Variants in EML6 observed in about 807,000 individuals in gnomAD.
EML6 encodes echinoderm microtubule-associated protein-like 6.
Under a neutral mutation model 240.1 loss-of-function variants are expected in EML6, and 154 were observed. The ratio of observed to expected loss-of-function variants is 0.64; its 90% confidence interval spans 0.56 to 0.73. The LOEUF (loss-of-function observed/expected upper bound fraction) is 0.73, where lower values mean the gene tolerates loss of function less well. Among genes scored for constraint, EML6 ranks in the 30% least tolerant of loss-of-function variants. The pLI is 0.00. For missense variants in EML6, 2,964 were observed against 2,474.6 expected (o/e 1.20, Z -4.20); for synonymous variants, 1,148 against 899.0 (o/e 1.28, Z -4.95).
intron 26 of EML6, among the ~76,000 whole-genome samples, chr2:54,921,917 AAATT>A (rs1305511705): frequency 6.6e-6 from 1 of 152,208 alleles, no homozygotes; most frequent in Non-Finnish European, 1.5e-5. Context: ...CCATTTAAAA[AAATT>A]AACCCAAAGT....
intron 2 of EML6, among the ~76,000 whole-genome samples, chr2:54,790,724 C>CTTTTTT (rs368684488): frequency 1.6e-5 from 2 of 123,302 alleles, no homozygotes; most frequent in Non-Finnish European, 3.3e-5. Context: ...CTTAATTTTC[C>CTTTTTT]TTTTTTTTTT....
chr2:54,942,456 C>G (rs751007210), intron 28 of EML6, among the ~76,000 whole-genome samples: 1 of 152,222 alleles, frequency 6.6e-6, no homozygotes, highest in Non-Finnish European at 1.5e-5. Flanking sequence ...GGAATGGGCA[C>G]TACCAGGGGT....
chr2:54,891,043 G>T lies in EML6; in HGVS notation c.2439-11G>T. On this transcript the variant is annotated splice_polypyrimidine_tract_variant and intron_variant, in intron 17 of 41. Transcript: ENST00000356458. ...CAAACTAGAATCTTATTTCCTATTT[G>T]TCTCTTACAGAGGACATAAAGATAA... 1.5e-6 allele frequency: 2 copies of T among 1,295,788 alleles called. No homozygotes were observed. Among genetic ancestry groups the T allele is most frequent in the South Asian group, 1.6e-5 (1 of 63,988 alleles). 80.3% of individuals were successfully genotyped at this position (1,295,788 alleles called of 1,614,324 possible).
intron 3 of EML6, among the ~76,000 whole-genome samples, chr2:54,816,045 A>G (rs1668067797): frequency 6.6e-6 from 1 of 152,254 alleles, no homozygotes; most frequent in Non-Finnish European, 1.5e-5. Flanking sequence ...ATGTCTGGCT[A>G]CTTAAAAGCA....
intron 2 of EML6, among the ~76,000 whole-genome samples, chr2:54,761,353 T>C (rs80309373): frequency 0.049 from 7,465 of 152,242 alleles, 428 homozygotes; most frequent in East Asian, 0.32. Flanking sequence ...AAGGTGCTTA[T>C]TTTTATTAAT....
intron 26 of EML6, among the ~76,000 whole-genome samples, chr2:54,925,687 G>T (rs199783245): frequency 6.6e-6 from 1 of 152,120 alleles, no homozygotes; most frequent in East Asian, 1.9e-4. Context: ...CAACCTCCAT[G>T]AGACATACCC....
chr2:54,773,652 A>G (rs1044061325), intron 2 of EML6, among the ~76,000 whole-genome samples: 1 of 152,232 alleles, frequency 6.6e-6, no homozygotes, highest in Non-Finnish European at 1.5e-5. Context: ...AAGCTCTCAG[A>G]TGTCCATGGA....
chr2:54,955,885 G>C (rs765363012), intron 32 of EML6, among the ~76,000 whole-genome samples: 8 of 152,174 alleles, frequency 5.3e-5, no homozygotes, highest in Non-Finnish European at 1.2e-4. Context: ...TCCTTCTCCA[G>C]TGTGGGTTTG....
chr2:54,928,840 T>A, intron 28 of EML6, 89 bp downstream of exon 28: 1 of 1,471,628 alleles, frequency 6.8e-7, no homozygotes, highest in East Asian at 2.5e-5. Flanking sequence ...GCCCTCAAAG[T>A]TGCTGTTTAA....
At chr2:54,800,180 G>T (rs149417303) in intron 2 of EML6, among the ~76,000 whole-genome samples, 85 of 151,550 alleles carry the variant, frequency 5.6e-4, no homozygotes, top group African/African-American at 2.0e-3. Context: ...AGGAGGTAGA[G>T]GTTGCAGTGA....
At chr2:54,745,565 C>A (rs1053564384) in intron 2 of EML6, among the ~76,000 whole-genome samples, 1 of 152,020 alleles carries the variant, frequency 6.6e-6, no homozygotes, top group Non-Finnish European at 1.5e-5. Context: ...TCGCTCAAGC[C>A]CAAGAGTTCG....
chr2:54,935,123 G>A (rs889117020), intron 28 of EML6, among the ~76,000 whole-genome samples: 12 of 152,164 alleles, frequency 7.9e-5, no homozygotes, highest in African/African-American at 2.4e-4. Context: ...ATTGCTTCGT[G>A]TTTAGGTTGT....
intron 5 of EML6, among the ~76,000 whole-genome samples, chr2:54,827,233 A>AT (rs1298490678): frequency 2.0e-5 from 3 of 152,232 alleles, no homozygotes; most frequent in African/African-American, 7.2e-5. Flanking sequence ...TTATAACTTG[A>AT]TAAAAAACTA....
intron 2 of EML6, among the ~76,000 whole-genome samples, chr2:54,790,724 CTTT>C (rs368684488): frequency 3.4e-4 from 42 of 123,256 alleles, no homozygotes; most frequent in African/African-American, 1.1e-3. Context: ...CTTAATTTTC[CTTT>C]TTTTTTTTTT....
intron 2 of EML6, among the ~76,000 whole-genome samples, chr2:54,773,317 G>A (rs1471885365): frequency 6.6e-6 from 1 of 152,268 alleles, no homozygotes; most frequent in Non-Finnish European, 1.5e-5. Context: ...AGCCGGGGCA[G>A]CAAGACACTA....
chr2:54,958,042 CT>C, intron 33 of EML6, 44 bp downstream of exon 33: 2 of 1,501,166 alleles, frequency 1.3e-6, no homozygotes, highest in South Asian at 2.5e-5. Flanking sequence ...CCCAGACCCC[CT>C]GGGCATGGGC....
intron 2 of EML6, among the ~76,000 whole-genome samples, chr2:54,789,534 A>G (rs1484207351): frequency 2.0e-5 from 3 of 149,034 alleles, no homozygotes; most frequent in Non-Finnish European, 4.5e-5. Context: ...AAAAAAAAAA[A>G]AAAAAAAAAA....
chr2:54,904,714 T>C (rs1191774865), intron 24 of EML6, among the ~76,000 whole-genome samples: 5 of 152,188 alleles, frequency 3.3e-5, no homozygotes, highest in African/African-American at 7.2e-5. Flanking sequence ...TGTGTACTTG[T>C]AGGCACTATG....
intron 25 of EML6, among the ~76,000 whole-genome samples, chr2:54,915,664 C>A (rs1307201948): frequency 3.9e-5 from 6 of 152,072 alleles, no homozygotes; most frequent in Admixed American, 3.9e-4. Flanking sequence ...TGTATAGCAC[C>A]TTACCACGTT....
Sources: gnomAD v4.1 joint callset for allele counts (sites outside exome capture counted in the v4.1 genomes callset) on GRCh38, gnomAD v4.1.1 for gene constraint, MANE v1.5 for transcripts, NCBI Gene and HGNC (gene_info 2026-07-23, HGNC 2026-07-21) for gene names.